Variants in ZKSCAN5 observed in about 807,000 individuals in gnomAD.
ZKSCAN5 encodes zinc finger protein with KRAB and SCAN domains 5.
Under a neutral mutation model 60.0 loss-of-function variants are expected in ZKSCAN5, and 28 were observed. That is an observed-to-expected ratio of 0.47 (90% CI 0.35 to 0.64). ZKSCAN5 has a LOEUF of 0.64. Ranked by LOEUF, ZKSCAN5 falls within the 30% of genes least tolerant of loss-of-function variation. The probability of loss-of-function intolerance (pLI) is 0.01; values close to 1 mark genes in which losing one functional copy is unlikely to be tolerated. For synonymous variants in ZKSCAN5, 361 were observed against 371.2 expected, an observed-to-expected ratio of 0.97 and a Z score of 0.31; for missense variants, 881 against 1,034.6, an observed-to-expected ratio of 0.85 and a Z score of 2.04.
At chr7:99,507,573 ATG>A (rs1800825502) in intron 2 of ZKSCAN5, among the ~76,000 whole-genome samples, 3 of 148,964 alleles carry the variant, frequency 2.0e-5, no homozygotes, top group Admixed American at 6.8e-5. Context: ...GTGTATATAT[ATG>A]TGTATATTTA....
Position 99,533,909 on chromosome 7 carries a change from G to A in ZKSCAN5, c.*1660G>A. 3.3e-6 allele frequency: 1 copy of A among 301,044 alleles called. No individual in the cohort carries two copies. The highest frequency in any genetic ancestry group is 6.1e-6 in the Non-Finnish European group (1 of 164,814). The allele number at this position is 301,044 out of a possible 1,614,324, so 18.6% of individuals were successfully genotyped here. A position where few individuals can be genotyped will look rare whatever the true frequency, so the allele number is the denominator to read the frequency against. On this transcript the variant is annotated 3_prime_UTR_variant, in exon 7 of 7. Transcript: ENST00000326775. ...CCACAAGTGGTCATAGGAAGCTGCT[G>A]TGAGAGTGGATTGTGGAGTTGGTCA...
chr7:99,531,727 TG>T lies in ZKSCAN5; in HGVS notation c.2002del (p.Glu668LysfsTer9), dbSNP rs766815470. ...AGAAATCCCATCAGTGTCGTGAATG[TG>T]GGGAAATCTTTTTTCAGTACGTTAG... Reference protein sequence around the residue: ...REKSHQCRECGEIFFQYVSLI... With the variant: ...REKSHQCRECXEIFFQYVSLI... On this transcript the variant is annotated frameshift_variant, in exon 7 of 7. Transcript: ENST00000326775. LOFTEE classifies it low-confidence loss of function (END_TRUNC). 6.2e-7 allele frequency: 1 copy of T among 1,614,000 alleles called. No individual in the cohort carries two copies. The highest frequency in any genetic ancestry group is 1.7e-5 in the Admixed American group (1 of 59,990).
intron 6 of ZKSCAN5, among the ~76,000 whole-genome samples, chr7:99,526,954 T>C (rs1801819848): frequency 6.6e-6 from 1 of 152,236 alleles, no homozygotes; most frequent in African/African-American, 2.4e-5. Context: ...GTTGACTTTC[T>C]ATGGTAGTAA....
At chr7:99,511,427 G>T (rs894939768) in intron 2 of ZKSCAN5, among the ~76,000 whole-genome samples, 1 of 151,992 alleles carries the variant, frequency 6.6e-6, no homozygotes, top group African/African-American at 2.4e-5. Context: ...TTCTGCCTGA[G>T]AATTTTGTTT....
rs1191434920 is a variant in ZKSCAN5, at chr7:99,526,305, G to A, written c.1265G>A (p.Ser422Asn). 1.2e-6 allele frequency: 2 copies of A among 1,612,482 alleles called. No individual in the cohort carries two copies. The highest frequency in any genetic ancestry group is 1.7e-6 in the Non-Finnish European group (2 of 1,180,024). Residue 422 changes from serine to asparagine, a missense_variant, in exon 6 of 7, where the codon AGT (serine) becomes AAT (asparagine). Ser to Asn is a conservative substitution (Grantham distance 46, BLOSUM62 1). Coordinates refer to ENST00000326775, the MANE Select transcript of ZKSCAN5 (RefSeq NM_145102.4). Reference protein sequence around the residue: ...RVSSHLVQHHSVHSGERPYGC... With the variant: ...RVSSHLVQHHNVHSGERPYGC... ...AGTTCCCACCTGGTTCAGCACCACA[G>A]TGTCCACAGCGGAGAGAGGCCCTAT... is the stretch of plus-strand genomic sequence containing the variant.
chr7:99,523,785 G>A (rs1801651819), intron 5 of ZKSCAN5, among the ~76,000 whole-genome samples: 1 of 152,116 alleles, frequency 6.6e-6, no homozygotes, highest in South Asian at 2.1e-4. Flanking sequence ...TACTGTTTCA[G>A]TGTCTTTTTA....
At chr7:99,522,945 A>G (rs1801606806) in intron 5 of ZKSCAN5, among the ~76,000 whole-genome samples, 1 of 150,564 alleles carries the variant, frequency 6.6e-6, no homozygotes, top group African/African-American at 2.4e-5. Context: ...TGGGCAGATC[A>G]CTTGAGGCCA....
rs939214373 is a variant in ZKSCAN5 at position 99,534,684 on chromosome 7, A to C, written c.*2435A>C. On this transcript the variant is annotated 3_prime_UTR_variant, in exon 7 of 7. Transcript: ENST00000326775. ...CAGAGCGACAGTGTCTAAAAAAAAAAAAAAAAAAAAAAAAAACATTTTTTG... is the reference window on the plus strand; with the variant it reads ...CAGAGCGACAGTGTCTAAAAAAAAACAAAAAAAAAAAAAAAACATTTTTTG... The C allele has an allele frequency of 1.3e-5, 2 of 151,598 alleles. No homozygotes were observed. The highest frequency in any genetic ancestry group is 4.8e-5 in the African/African-American group (2 of 41,238). 9.4% of individuals were successfully genotyped at this position (151,598 alleles called of 1,614,324 possible).
At chr7:99,518,993 T>TG (rs1801397415) in intron 3 of ZKSCAN5, among the ~76,000 whole-genome samples, 2 of 144,980 alleles carry the variant, frequency 1.4e-5, no homozygotes, top group African/African-American at 5.1e-5. Flanking sequence ...TTTTTTTTTT[T>TG]GAGACGGAGT....
chr7:99,526,517 G>A (rs531120326), intron 6 of ZKSCAN5, 99 bp downstream of exon 6: 6 of 1,496,544 alleles, frequency 4.0e-6, no homozygotes, highest in Admixed American at 2.2e-5. Flanking sequence ...GGTGATACTG[G>A]GGGGGGTAGG....
intron 6 of ZKSCAN5, among the ~76,000 whole-genome samples, chr7:99,527,543 G>C (rs1469111992): frequency 6.6e-6 from 1 of 152,084 alleles, no homozygotes; most frequent in Non-Finnish European, 1.5e-5. Flanking sequence ...TTCCAGGGCT[G>C]TTCAGCCCTC....
intron 2 of ZKSCAN5, among the ~76,000 whole-genome samples, chr7:99,508,028 G>C (rs528746327): frequency 6.6e-6 from 1 of 152,050 alleles, no homozygotes; most frequent in Non-Finnish European, 1.5e-5. Flanking sequence ...GGCCGGGCAC[G>C]GTAGCTCATG....
intron 3 of ZKSCAN5, among the ~76,000 whole-genome samples, chr7:99,512,885 G>A (rs904969002): frequency 6.6e-6 from 1 of 151,334 alleles, no homozygotes; most frequent in Non-Finnish European, 1.5e-5. Context: ...GTGCAGGTTA[G>A]TTACATATGT....
intron 3 of ZKSCAN5, among the ~76,000 whole-genome samples, chr7:99,514,560 C>T (rs941255916): frequency 6.6e-6 from 1 of 151,228 alleles, no homozygotes; most frequent in Non-Finnish European, 1.5e-5. Flanking sequence ...TCTCTTGAGC[C>T]CAGGAGTTTG....
At chr7:99,528,970 G>A (rs975188416) in intron 6 of ZKSCAN5, among the ~76,000 whole-genome samples, 2 of 152,110 alleles carry the variant, frequency 1.3e-5, no homozygotes, top group African/African-American at 4.8e-5. Flanking sequence ...TAAGGGTGAA[G>A]GGGGCAGGGA....
chr7:99,513,755 C>T, intron 3 of ZKSCAN5: 1 of 353,278 alleles, frequency 2.8e-6, no homozygotes, highest in South Asian at 2.0e-5. Context: ...AGGCCGGGCT[C>T]AGTGGCTCAC....
intron 5 of ZKSCAN5, among the ~76,000 whole-genome samples, chr7:99,521,555 A>T (rs1443675315): frequency 6.6e-6 from 1 of 152,154 alleles, no homozygotes; most frequent in East Asian, 1.9e-4. Context: ...TAACCGTTTT[A>T]GTTCACTCAC....
intron 2 of ZKSCAN5, among the ~76,000 whole-genome samples, chr7:99,511,733 G>GCCGCCTGGGCCCTGAGAGAGTT (rs55844716): frequency 6.6e-6 from 1 of 152,090 alleles, no homozygotes; most frequent in South Asian, 2.1e-4. Context: ...ATGAGCTACC[G>GCCGCCTGGGCCCTGAGAGAGTT]TTTCAGTGTT....
intron 2 of ZKSCAN5, among the ~76,000 whole-genome samples, chr7:99,507,551 A>G (rs1009303493): frequency 2.0e-5 from 3 of 147,062 alleles, no homozygotes; most frequent in Admixed American, 6.9e-5. Flanking sequence ...ATGTATATAT[A>G]TGTATATATA....
Sources: gnomAD v4.1 joint callset for allele counts (sites outside exome capture counted in the v4.1 genomes callset) on GRCh38, gnomAD v4.1.1 for gene constraint, MANE v1.5 for transcripts, NCBI Gene and HGNC (gene_info 2026-07-23, HGNC 2026-07-21) for gene names.